NAAA: variants seen among roughly 807,000 people sequenced by gnomAD.
The protein encoded by NAAA is N-acylethanolamine acid amidase.
In NAAA, 39 loss-of-function variants were observed where a neutral mutation model predicts 44.8. That is an observed-to-expected ratio of 0.87 (90% confidence interval 0.67 to 1.14). The LOEUF is 1.14. Ranked by LOEUF, NAAA falls within the 50% of genes most tolerant of loss-of-function variation. The probability of loss-of-function intolerance (pLI) is 0.00; values close to 1 mark genes in which losing one functional copy is unlikely to be tolerated. For missense variants in NAAA, 460 were observed against 467.8 expected (o/e 0.98, Z 0.15); for synonymous variants, 178 against 191.3 (o/e 0.93, Z 0.58).
downstream of NAAA, chr4:75,911,210 G>A (rs1725310024): frequency 4.5e-6 from 2 of 446,550 alleles, no homozygotes; most frequent in Non-Finnish European, 4.5e-6. Flanking sequence ...CATCAGTTAA[G>A]GCAGGAACTG....
At chr4:75,923,915 A>G (rs1726416677) in intron 5 of NAAA, among the ~76,000 whole-genome samples, 1 of 152,190 alleles carries the variant, frequency 6.6e-6, no homozygotes, top group Non-Finnish European at 1.5e-5. Context: ...AGAATCCATC[A>G]GCATAATAAA....
At chr4:75,932,019 C>T (rs1005362528) in intron 3 of NAAA, among the ~76,000 whole-genome samples, 11 of 152,090 alleles carry the variant, frequency 7.2e-5, no homozygotes, top group African/African-American at 1.7e-4. Flanking sequence ...CACCTGAGGT[C>T]GGGAGTTCAA....
At chr4:75,923,167 T>C (rs748312455) in intron 5 of NAAA, among the ~76,000 whole-genome samples, 3 of 152,182 alleles carry the variant, frequency 2.0e-5, no homozygotes, top group Non-Finnish European at 4.4e-5. Context: ...CTCAGCCTCC[T>C]GAGTGTCTGG....
chr4:75,914,369 C>A, intron 10 of NAAA, 31 bp from the exon 11 acceptor site: 7 of 883,478 alleles, frequency 7.9e-6, no homozygotes, highest in Non-Finnish European at 9.5e-6. Context: ...GCATTTAATT[C>A]AAAGACTGAT....
At chr4:75,935,663 G>C (rs1283227378) in intron 3 of NAAA, 1 of 172,470 alleles carries the variant, frequency 5.8e-6, no homozygotes, top group Admixed American at 6.2e-5. Flanking sequence ...CAAAATTAGG[G>C]AATGAGTAAT....
chr4:75,927,021 G>T (rs1167511469), intron 4 of NAAA, among the ~76,000 whole-genome samples: 2 of 151,874 alleles, frequency 1.3e-5, no homozygotes, highest in African/African-American at 4.8e-5. Context: ...AAAAAAAATG[G>T]GCAAAGGACC....
chr4:75,914,522 C>T (rs1725480557), intron 10 of NAAA, among the ~76,000 whole-genome samples, 184 bp from the exon 11 acceptor site: 1 of 151,712 alleles, frequency 6.6e-6, no homozygotes, highest in African/African-American at 2.4e-5. Flanking sequence ...TTTGGGTACC[C>T]ACCACCACAC....
At position 75,929,370 on chromosome 4, in the gene NAAA, T is replaced by C. The variant is rs79071895; in HGVS notation, c.589+1844A>G. ...ACAGCTCATTGCAGCCTGTAACTCCTGGGCCCAAGCCATCCTCCCATTTCA... is the reference window on the plus strand; with the variant it reads ...ACAGCTCATTGCAGCCTGTAACTCCCGGGCCCAAGCCATCCTCCCATTTCA... On this transcript the variant is annotated intron_variant, in intron 4 of 10. Coordinates refer to ENST00000286733, the MANE Select transcript of NAAA (RefSeq NM_014435.4). Among the ~76,000 whole-genome samples, 286 of 151,992 alleles carry C rather than the reference T, an allele frequency of 1.9e-3. No individual in the cohort carries two copies. In the East Asian group the frequency reaches 0.035, roughly 19 times the overall value.
chr4:75,932,731 T>C (rs1239958057), intron 3 of NAAA, among the ~76,000 whole-genome samples: 2 of 152,160 alleles, frequency 1.3e-5, no homozygotes, highest in African/African-American at 4.8e-5. Context: ...CTCAAACTCC[T>C]GGGCTCAAGC....
chr4:75,940,253 T>C (rs1022106722), intron 1 of NAAA, 88 bp from the exon 2 acceptor site: 18 of 1,442,848 alleles, frequency 1.2e-5, no homozygotes, highest in Admixed American at 7.8e-5. Flanking sequence ...GCTACATCCT[T>C]AGGGCGTGAG....
Position 75,936,524 on chromosome 4 carries a change from T to G in NAAA, c.372-289A>C, listed in dbSNP as rs80190464. ...GAGAATTTCATCCTCAGTCTAAATC[T>G]GAAGTGAAACTAACCCATCCTGGGC... On this transcript the variant is annotated intron_variant, in intron 2 of 10. Transcript: ENST00000286733. Among the ~76,000 whole-genome samples, 3 of 152,312 alleles carry G rather than the reference T, an allele frequency of 2.0e-5. No individual in the cohort carries two copies. In the East Asian group the frequency reaches 5.8e-4, roughly 29 times the overall value.
At chr4:75,918,176 G>A (rs7666272) in intron 9 of NAAA, among the ~76,000 whole-genome samples, 46,770 of 152,044 alleles carry the variant, frequency 0.31, 7,693 homozygotes, top group Non-Finnish European at 0.34. Flanking sequence ...AGAGCTGGCC[G>A]GGCGCAGTGG....
chr4:75,912,397 AC>A (rs1411928064), downstream of NAAA, among the ~76,000 whole-genome samples: 2 of 151,898 alleles, frequency 1.3e-5, no homozygotes, highest in African/African-American at 4.8e-5. Flanking sequence ...TACTAAAAAC[AC>A]CAAAAATTAG....
chr4:75,914,945 C>A lies in NAAA; in HGVS notation c.1039G>T (p.Asp347Tyr), dbSNP rs755702245. The A allele has an allele frequency of 6.2e-7, 1 of 1,614,080 alleles. No homozygotes were observed. Among genetic ancestry groups the A allele is most frequent in the East Asian group, 2.2e-5 (1 of 44,886 alleles). ...YTTVMSAGSP[D>Y]KYMTRIRNPS... ...TTTCTGATCCTAGTCATGTACTTGTCTGGGCTACCGGCGCTCATTACCGTA... is the reference window on the plus strand; with the variant it reads ...TTTCTGATCCTAGTCATGTACTTGTATGGGCTACCGGCGCTCATTACCGTA... The change falls in exon 10 of 11, where the codon GAC becomes TAC. Residue 347 changes from aspartate to tyrosine, a missense_variant. By Grantham distance (160) the Asp-to-Tyr change is radical (BLOSUM62 -3). Transcript: ENST00000286733.
At position 75,919,989 on chromosome 4, in the gene NAAA, G is replaced by A. The variant is rs1417707079; in HGVS notation, c.903-14C>T. ...ATGGCAGATGTTCTGTAAGGACAAAGGTCGAAGGTCACTTGGCATTTCAAC... is the reference window on the plus strand; with the variant it reads ...ATGGCAGATGTTCTGTAAGGACAAAAGTCGAAGGTCACTTGGCATTTCAAC... On this transcript the variant is annotated splice_polypyrimidine_tract_variant and intron_variant, in intron 7 of 10. Coordinates refer to ENST00000286733, the MANE Select transcript of NAAA (RefSeq NM_014435.4). The A allele has an allele frequency of 6.2e-7, 1 of 1,611,532 alleles. No individual in the cohort carries two copies. Among genetic ancestry groups the A allele is most frequent in the Non-Finnish European group, 8.5e-7 (1 of 1,177,882 alleles).
Position 75,930,538 on chromosome 4 carries a change from TG to T in NAAA, c.589+675del, listed in dbSNP as rs146063677. The T allele has an allele frequency of 3.7e-3, 1,889 of 513,148 alleles. 31 individuals are homozygous for T. Among genetic ancestry groups the T allele is most frequent in the African/African-American group, 0.033 (1,710 of 51,818 alleles). The allele number at this position is 513,148 out of a possible 1,614,324, so 31.8% of individuals were successfully genotyped here. On this transcript the variant is annotated intron_variant, in intron 4 of 10. Transcript: ENST00000286733. ...TAAACCAGAAAGTGCTTTACAAATG[TG>T]GCTTGTATAACAGCATCATATATCC...
chr4:75,917,581 G>A (rs114836002), intron 9 of NAAA: 13,714 of 174,154 alleles, frequency 0.079, 948 homozygotes, highest in African/African-American at 0.19. Flanking sequence ...TTCTCCAGCC[G>A]CTGCTTCCCA....
intron 4 of NAAA, 73 bp downstream of exon 4, chr4:75,931,141 T>C: frequency 8.3e-7 from 1 of 1,201,250 alleles, no homozygotes; most frequent in Non-Finnish European, 1.2e-6. Flanking sequence ...TTCTGTTGGG[T>C]GAGTGAAGGA....
intron 5 of NAAA, among the ~76,000 whole-genome samples, chr4:75,923,150 C>T (rs967907910): frequency 6.6e-6 from 1 of 152,030 alleles, no homozygotes; most frequent in African/African-American, 2.4e-5. Flanking sequence ...AGAAGGGATC[C>T]TCCCGCCTCA....
Sources: allele counts gnomAD v4.1 joint callset (sites outside exome capture counted in the v4.1 genomes callset), GRCh38; gene constraint gnomAD v4.1.1; transcripts MANE v1.5; gene names NCBI Gene and HGNC (gene_info 2026-07-23, HGNC 2026-07-21).